BUB1: variants seen among roughly 807,000 people sequenced by gnomAD.
BUB1 encodes mitotic checkpoint serine/threonine-protein kinase BUB1.
In BUB1, 84 loss-of-function variants were observed where a neutral mutation model predicts 135.2. The observed-to-expected ratio is 0.62, with a 90% confidence interval of 0.52 to 0.74. The LOEUF is 0.74. Ranked by LOEUF, BUB1 falls within the 30% of genes least tolerant of loss-of-function variation. The probability of loss-of-function intolerance (pLI) is 0.00; values close to 1 mark genes in which losing one functional copy is unlikely to be tolerated. For missense variants in BUB1, 1,162 were observed against 1,288.3 expected (o/e 0.90, Z 1.50); for synonymous variants, 403 against 434.4 (o/e 0.93, Z 0.90).
chr2:110,667,445 TA>T, intron 8 of BUB1, 75 bp downstream of exon 8: 1 of 1,393,462 alleles, frequency 7.2e-7, no homozygotes, highest in Non-Finnish European at 9.8e-7. Context: ...AATTATTCTT[TA>T]AAAAAGTAAT....
chr2:110,667,187 A>G (rs1287202015), intron 8 of BUB1, among the ~76,000 whole-genome samples: 1 of 152,244 alleles, frequency 6.6e-6, no homozygotes, highest in Non-Finnish European at 1.5e-5. Flanking sequence ...ACTAAAGCTA[A>G]GATGACACTG....
At chr2:110,652,969 T>A (rs1234304567) in intron 17 of BUB1, among the ~76,000 whole-genome samples, 1 of 152,230 alleles carries the variant, frequency 6.6e-6, no homozygotes, top group Non-Finnish European at 1.5e-5. Flanking sequence ...TTTGTTCCAT[T>A]ACTATTAACT....
rs1041695949 is a variant in BUB1 at position 110,651,201 on chromosome 2, A to G, written c.1965-417T>C. 3.7e-4 allele frequency among the ~76,000 whole-genome samples: 57 copies of G among 152,272 alleles called. 1 individual carries two copies. The highest frequency in any genetic ancestry group is 2.5e-3 in the East Asian group (13 of 5,170). ...ATACAACACTCCAGTACACTTCCAT[A>G]TATATAGTCATGTGCTGCATAACAA... On this transcript the variant is annotated intron_variant, in intron 17 of 24. Transcript: ENST00000302759.
rs1463592583 is a variant in BUB1, at chr2:110,660,189, T to C, written c.1218-153A>G. ...AAGTTCGAGACCAGCCTGGCCAATATGGTGAAACCCCTTCTCTACTAAAAA... is the reference window on the plus strand; with the variant it reads ...AAGTTCGAGACCAGCCTGGCCAATACGGTGAAACCCCTTCTCTACTAAAAA... On this transcript the variant is annotated intron_variant, in intron 10 of 24. Coordinates refer to ENST00000302759, the MANE Select transcript of BUB1 (RefSeq NM_004336.5). Among the ~76,000 whole-genome samples the C allele has an allele frequency of 3.9e-5, 6 of 152,104 alleles. 1 individual carries two copies. The South Asian group carries it at 6.2e-4, about 16-fold the overall frequency.
intron 9 of BUB1, 70 bp from the exon 10 acceptor site, chr2:110,661,911 C>T (rs990490461): frequency 6.5e-7 from 1 of 1,540,030 alleles, no homozygotes; most frequent in Non-Finnish European, 8.8e-7. Flanking sequence ...TCAGGCATTA[C>T]ATCTTCTCAA....
At chr2:110,646,688 G>A (rs1384377409) in intron 19 of BUB1, among the ~76,000 whole-genome samples, 3 of 152,040 alleles carry the variant, frequency 2.0e-5, no homozygotes, top group Admixed American at 6.6e-5. Flanking sequence ...GAAGTCTCAA[G>A]AGAAATTTAA....
At chr2:110,666,477 T>C in intron 8 of BUB1, 63 bp from the exon 9 acceptor site, 20 of 1,220,854 alleles carry the variant, frequency 1.6e-5, no homozygotes, top group South Asian at 3.4e-5. Context: ...TAGGAATACA[T>C]GCAAAATGAG....
At chr2:110,639,605 C>T in intron 24 of BUB1, 137 bp downstream of exon 24, 1 of 691,222 alleles carries the variant, frequency 1.4e-6, no homozygotes, top group South Asian at 1.9e-5. Flanking sequence ...GTGCCCAGGA[C>T]TGTCCTGTCA....
At position 110,650,709 on chromosome 2, in the gene BUB1, C is replaced by G; in HGVS notation, c.2040G>C (p.Gln680His). 1.2e-6 allele frequency: 2 copies of G among 1,614,038 alleles called. No homozygotes were observed. The highest frequency in any genetic ancestry group is 1.7e-6 in the Non-Finnish European group (2 of 1,179,990). Residue 680 changes from glutamine (Q) to histidine (H), a missense_variant, in exon 18 of 25, where the codon CAG becomes CAC. Coordinates refer to ENST00000302759, the MANE Select transcript of BUB1 (RefSeq NM_004336.5). ...MYSASLLRLSQPAAGGVLTCE... is the reference protein window; with the variant it reads ...MYSASLLRLSHPAAGGVLTCE... ...AGGTAAGTACCCCACCTGCAGCAGG[C>G]TGGCTCAGACGAAGTAAGGATGCTG... is the stretch of plus-strand genomic sequence containing the variant.
At chr2:110,675,722 G>A (rs1245912625) in intron 1 of BUB1, among the ~76,000 whole-genome samples, 1 of 152,026 alleles carries the variant, frequency 6.6e-6, no homozygotes, top group Non-Finnish European at 1.5e-5. Context: ...TGCAATCATG[G>A]CTCGCTGTAA....
intron 23 of BUB1, among the ~76,000 whole-genome samples, chr2:110,640,155 T>A (rs1024791304): frequency 1.3e-5 from 2 of 152,018 alleles, no homozygotes; most frequent in African/African-American, 4.8e-5. Context: ...AGCTTGGAAG[T>A]CCTCCCAGCT....
chr2:110,649,150 C>CAT (rs1471388094), intron 19 of BUB1, 84 bp downstream of exon 19: 1 of 1,225,888 alleles, frequency 8.2e-7, no homozygotes, highest in Non-Finnish European at 1.1e-6. Flanking sequence ...AGGAGAATCA[C>CAT]ACACACACAC....
Position 110,637,771 on chromosome 2 carries a change from G to A in BUB1, c.*193C>T, listed in dbSNP as rs1689401520. 2 of 403,236 alleles carry A rather than the reference G, an allele frequency of 5.0e-6. No individual in the cohort carries two copies. The highest frequency in any genetic ancestry group is 4.1e-5 in the African/African-American group (2 of 48,574). 25.0% of individuals were successfully genotyped at this position (403,236 alleles called of 1,614,324 possible). Reference sequence around the variant, plus strand: ...TTGCATCCCAGAAGCAGCCCAATCAGCCTGCTATATAGGGACCTTATGGGG... The same window carrying A: ...TTGCATCCCAGAAGCAGCCCAATCAACCTGCTATATAGGGACCTTATGGGG... On this transcript the variant is annotated 3_prime_UTR_variant, in exon 25 of 25. Coordinates refer to ENST00000302759, the MANE Select transcript of BUB1 (RefSeq NM_004336.5).
At chr2:110,645,517 A>G (rs1689619959) in intron 19 of BUB1, among the ~76,000 whole-genome samples, 1 of 152,052 alleles carries the variant, frequency 6.6e-6, no homozygotes, top group South Asian at 2.1e-4. Flanking sequence ...AATAATAGCT[A>G]TATTCATTTC....
At chr2:110,664,006 G>A (rs1459783349) in intron 9 of BUB1, among the ~76,000 whole-genome samples, 1 of 141,912 alleles carries the variant, frequency 7.0e-6, no homozygotes, top group Non-Finnish European at 1.5e-5. Flanking sequence ...TCCAGCCTGG[G>A]AGACAGTGAG....
At chr2:110,664,394 C>T (rs952737946) in intron 9 of BUB1, among the ~76,000 whole-genome samples, 4 of 152,146 alleles carry the variant, frequency 2.6e-5, no homozygotes, top group African/African-American at 9.7e-5. Flanking sequence ...GGTTTTTCCA[C>T]ACCAATAGCG....
At chr2:110,677,932 C>G in intron 1 of BUB1, 38 bp downstream of exon 1, 4 of 1,596,790 alleles carry the variant, frequency 2.5e-6, no homozygotes, top group Non-Finnish European at 3.4e-6. Context: ...GGCGCCCCAG[C>G]CCCCTGGGCT....
chr2:110,638,728 G>C (rs1384744671), intron 24 of BUB1, among the ~76,000 whole-genome samples: 1 of 152,240 alleles, frequency 6.6e-6, no homozygotes, highest in African/African-American at 2.4e-5. Context: ...TTAACTTCCA[G>C]CTCTTCTTCA....
intron 5 of BUB1, among the ~76,000 whole-genome samples, chr2:110,670,123 TG>T (rs1690378531): frequency 6.9e-6 from 1 of 145,620 alleles, no homozygotes; most frequent in Admixed American, 6.9e-5. Context: ...AAAAATTGGA[TG>T]GGTTTTTTTT....
Sources: gnomAD v4.1 joint callset for allele counts (sites outside exome capture counted in the v4.1 genomes callset) on GRCh38, gnomAD v4.1.1 for gene constraint, MANE v1.5 for transcripts, NCBI Gene and HGNC (gene_info 2026-07-23, HGNC 2026-07-21) for gene names.